The following RGS6 variants were observed in gnomAD, a reference collection of about 807,000 sequenced individuals.
RGS6 encodes regulator of G-protein signaling 6.
A neutral mutation model predicts 78.5 loss-of-function variants in RGS6; 30 were observed. That is an observed-to-expected ratio of 0.38 (90% CI 0.29 to 0.52). The LOEUF is 0.52. Ranked by LOEUF, RGS6 falls within the 20% of genes least tolerant of loss-of-function variation. RGS6 has a pLI of 0.85. For missense variants in RGS6, 495 were observed against 609.7 expected (o/e 0.81, Z 1.98); for synonymous variants, 206 against 206.0 (o/e 1.00, Z 0.00).
intron 2 of RGS6, among the ~76,000 whole-genome samples, chr14:72,316,304 G>GTA (rs1232595465): frequency 6.6e-6 from 1 of 152,108 alleles, no homozygotes; most frequent in Non-Finnish European, 1.5e-5. Flanking sequence ...TGTTACATAT[G>GTA]TATACATGTG....
chr14:72,477,681 C>T (rs1008439291), intron 11 of RGS6, among the ~76,000 whole-genome samples: 1 of 151,480 alleles, frequency 6.6e-6, no homozygotes. Flanking sequence ...ACTATAATCC[C>T]AGCTACTCGG....
At chr14:72,507,214 A>T (rs529313230) in intron 13 of RGS6, among the ~76,000 whole-genome samples, 1 of 152,182 alleles carries the variant, frequency 6.6e-6, no homozygotes, top group East Asian at 1.9e-4. Flanking sequence ...CTTACAGAGC[A>T]AACACCATGT....
rs149389805 is a variant in RGS6, at chr14:72,012,865, T to G, written c.84+47990T>G. Among the ~76,000 whole-genome samples, 29 of 152,330 alleles carry G rather than the reference T, an allele frequency of 1.9e-4. 1 individual carries two copies. The highest frequency in any genetic ancestry group is 7.0e-4 in the African/African-American group (29 of 41,570). ...TAATACCAACATTGCTGGGTGGTTG[T>G]GAGCAAACAATAAACAAATAATAGT... On this transcript the variant is annotated intron_variant, in intron 2 of 17. Coordinates refer to ENST00000553525, the MANE Select transcript of RGS6 (RefSeq NM_001204424.2).
intron 2 of RGS6, among the ~76,000 whole-genome samples, chr14:72,250,545 A>G (rs1258686395): frequency 6.6e-6 from 1 of 152,174 alleles, no homozygotes; most frequent in Non-Finnish European, 1.5e-5. Context: ...AATTGTCAAA[A>G]TTAGCCTGTC....
chr14:72,358,171 C>T (rs1389123473), intron 3 of RGS6, among the ~76,000 whole-genome samples: 1 of 152,200 alleles, frequency 6.6e-6, no homozygotes, highest in African/African-American at 2.4e-5. Flanking sequence ...TATATAGAAA[C>T]ACCTGGATGT....
chr14:71,936,608 A>G (rs1346271806), intron 1 of RGS6, among the ~76,000 whole-genome samples: 1 of 152,234 alleles, frequency 6.6e-6, no homozygotes, highest in Non-Finnish European at 1.5e-5. Context: ...AAAATTGTGC[A>G]TAACATAATA....
chr14:72,032,382 A>G (rs11625920), intron 2 of RGS6, among the ~76,000 whole-genome samples: 19,814 of 152,204 alleles, frequency 0.13, 1,345 homozygotes, highest in East Asian at 0.17. Flanking sequence ...ATAATATCTC[A>G]ATATTTTTAG....
At chr14:72,166,556 A>G (rs1409785871) in intron 2 of RGS6, among the ~76,000 whole-genome samples, 5 of 152,240 alleles carry the variant, frequency 3.3e-5, no homozygotes, top group Admixed American at 2.6e-4. Context: ...CCAGCTAGCC[A>G]GGTGTACTAC....
At position 72,034,248 on chromosome 14, in the gene RGS6, G is replaced by C. The variant is rs76232482; in HGVS notation, c.84+69373G>C. On this transcript the variant is annotated intron_variant, in intron 2 of 17. Coordinates refer to ENST00000553525, the MANE Select transcript of RGS6 (RefSeq NM_001204424.2). ...AGGAGTGGGCCTCTGTCTTGTTTCT[G>C]AACTTAAAGGAAAAGCTTTCAGTTT... Among the ~76,000 whole-genome samples the C allele has an allele frequency of 4.0e-3, 614 of 152,182 alleles. 7 individuals carry two copies. Among genetic ancestry groups the C allele is most frequent in the African/African-American group, 0.014 (596 of 41,538 alleles).
intron 3 of RGS6, among the ~76,000 whole-genome samples, chr14:72,424,868 G>T (rs1248379670): frequency 6.6e-6 from 1 of 152,156 alleles, no homozygotes; most frequent in Non-Finnish European, 1.5e-5. Context: ...CAATAGAGTG[G>T]AATGTGTTTG....
chr14:72,483,953 C>T (rs1004775645), intron 12 of RGS6, among the ~76,000 whole-genome samples: 14 of 148,550 alleles, frequency 9.4e-5, no homozygotes, highest in African/African-American at 3.4e-4. Context: ...TCCCTACTTC[C>T]CACCTTCTCC....
chr14:72,470,270 A>G (rs2096037075), intron 8 of RGS6, among the ~76,000 whole-genome samples, 187 bp downstream of exon 8: 1 of 152,198 alleles, frequency 6.6e-6, no homozygotes. Context: ...ATGCTTCTCT[A>G]AAGCAATTTC....
chr14:72,432,637 C>T lies in RGS6; in HGVS notation c.185-21891C>T, dbSNP rs562024639. Reference sequence around the variant, plus strand: ...CTGAGGAGCCCAGTTAGTCCTTGCTCCTGTCCATCCCACCTCCTTCAGGCG... The same window carrying T: ...CTGAGGAGCCCAGTTAGTCCTTGCTTCTGTCCATCCCACCTCCTTCAGGCG... On this transcript the variant is annotated intron_variant, in intron 3 of 17. Transcript: ENST00000553525. 1.1e-4 allele frequency among the ~76,000 whole-genome samples: 16 copies of T among 152,320 alleles called. No individual in the cohort carries two copies. The South Asian group carries it at 1.5e-3, about 14-fold the overall frequency.
intron 17 of RGS6, chr14:72,547,095 C>T: frequency 7.3e-7 from 1 of 1,371,192 alleles, no homozygotes; most frequent in South Asian, 1.3e-5. Context: ...TGCAGGGCCC[C>T]CCGCAGGATA....
At chr14:72,408,164 G>T (rs141254668) in intron 3 of RGS6, among the ~76,000 whole-genome samples, 1 of 152,140 alleles carries the variant, frequency 6.6e-6, no homozygotes, top group East Asian at 1.9e-4. Context: ...TTGTTACAGC[G>T]TAGTTGGCAA....
intron 17 of RGS6, among the ~76,000 whole-genome samples, chr14:72,543,789 G>A (rs995296987): frequency 6.6e-6 from 1 of 152,244 alleles, no homozygotes; most frequent in Non-Finnish European, 1.5e-5. Flanking sequence ...AGCCTGGAGT[G>A]CAGTGGCACA....
intron 2 of RGS6, among the ~76,000 whole-genome samples, chr14:72,123,064 T>C (rs1284205245): frequency 2.0e-5 from 3 of 152,194 alleles, no homozygotes; most frequent in Non-Finnish European, 4.4e-5. Flanking sequence ...CCTCCTGGGT[T>C]TGAGCGATTC....
chr14:71,988,130 C>T (rs1368118981), intron 2 of RGS6, among the ~76,000 whole-genome samples: 1 of 152,086 alleles, frequency 6.6e-6, no homozygotes, highest in Non-Finnish European at 1.5e-5. Flanking sequence ...ACCCTGGGCG[C>T]TAATGTGACT....
intron 2 of RGS6, among the ~76,000 whole-genome samples, chr14:71,967,638 C>A (rs2093602264): frequency 6.6e-6 from 1 of 151,910 alleles, no homozygotes; most frequent in African/African-American, 2.4e-5. Flanking sequence ...TGTTTTCTTT[C>A]TCTTGTTTGT....
Sources: allele counts gnomAD v4.1 joint callset (sites outside exome capture counted in the v4.1 genomes callset), GRCh38; gene constraint gnomAD v4.1.1; transcripts MANE v1.5; gene names NCBI Gene and HGNC (gene_info 2026-07-23, HGNC 2026-07-21).